Variants in AGMO observed in about 807,000 individuals in gnomAD.
The protein encoded by AGMO is glyceryl-ether monooxygenase.
A neutral mutation model predicts 60.2 loss-of-function variants in AGMO; 75 were observed. The observed-to-expected ratio is 1.25, with a 90% confidence interval of 1.03 to 1.51. AGMO has a LOEUF of 1.51. Ranked by LOEUF, AGMO falls within the 40% of genes most tolerant of loss-of-function variation. The pLI, the probability that AGMO is intolerant of heterozygous loss-of-function variation, is 0.00. For synonymous variants in AGMO, 261 were observed against 177.1 expected (o/e 1.47, Z -3.76); for missense variants, 763 against 525.5 (o/e 1.45, Z -4.42).
chr7:15,540,250 C>T (rs1312923161), intron 3 of AGMO, among the ~76,000 whole-genome samples: 1 of 152,274 alleles, frequency 6.6e-6, no homozygotes, highest in Non-Finnish European at 1.5e-5. Context: ...GTTGTGGCTA[C>T]CACTGGAACT....
intron 5 of AGMO, among the ~76,000 whole-genome samples, chr7:15,415,263 A>T (rs892179235): frequency 6.6e-6 from 1 of 151,820 alleles, no homozygotes; most frequent in African/African-American, 2.4e-5. Context: ...TGCCCGGCTA[A>T]TTTTTTTGAA....
At chr7:15,258,231 A>T (rs541009520) in intron 12 of AGMO, among the ~76,000 whole-genome samples, 2 of 152,292 alleles carry the variant, frequency 1.3e-5, no homozygotes, top group Non-Finnish European at 2.9e-5. Flanking sequence ...ATCTGAAATA[A>T]ATTTTGAAGT....
chr7:15,177,404 A>G, the AGMO span, among the ~76,000 whole-genome samples: 1 of 152,198 alleles, frequency 6.6e-6, no homozygotes, highest in Non-Finnish European at 1.5e-5. Context: ...TCTGCCCATC[A>G]ACACTTCTGT....
At chr7:15,293,860 T>C (rs758859654) in intron 12 of AGMO, among the ~76,000 whole-genome samples, 3 of 152,170 alleles carry the variant, frequency 2.0e-5, no homozygotes, top group African/African-American at 7.2e-5. Flanking sequence ...CTTGTGTATA[T>C]TTAAAATGTT....
intron 4 of AGMO, among the ~76,000 whole-genome samples, chr7:15,421,376 G>A (rs547344939): frequency 5.7e-4 from 87 of 152,212 alleles, no homozygotes; most frequent in Middle Eastern, 3.4e-3. Context: ...CCAGAGAAGG[G>A]AGCCATTTCA....
intron 3 of AGMO, among the ~76,000 whole-genome samples, chr7:15,498,863 T>A (rs553246586): frequency 6.6e-6 from 1 of 152,048 alleles, no homozygotes; most frequent in Admixed American, 6.6e-5. Context: ...GCTTCTAGAT[T>A]TCGAACTTTT....
At chr7:15,166,400 G>A in the AGMO span, among the ~76,000 whole-genome samples, 9 of 151,824 alleles carry the variant, frequency 5.9e-5, no homozygotes, top group Non-Finnish European at 1.2e-4. Flanking sequence ...TGCTGGTGTC[G>A]GGAGACCAGA....
At chr7:15,150,414 C>G in the AGMO span, among the ~76,000 whole-genome samples, 1 of 151,996 alleles carries the variant, frequency 6.6e-6, no homozygotes, top group Non-Finnish European at 1.5e-5. Flanking sequence ...AGCTTTTGCC[C>G]ATTTAGTATG....
the AGMO span, among the ~76,000 whole-genome samples, chr7:15,154,413 G>C: frequency 6.6e-6 from 1 of 152,134 alleles, no homozygotes; most frequent in African/African-American, 2.4e-5. Flanking sequence ...CACATCCCAT[G>C]CTCATGGATA....
At chr7:15,503,629 A>G (rs565563401) in intron 3 of AGMO, among the ~76,000 whole-genome samples, 1 of 152,196 alleles carries the variant, frequency 6.6e-6, no homozygotes, top group East Asian at 1.9e-4. Context: ...ACTGGCGTCC[A>G]TTTGTCTGTA....
At chr7:15,444,677 A>C (rs1410190768) in intron 3 of AGMO, among the ~76,000 whole-genome samples, 1 of 152,110 alleles carries the variant, frequency 6.6e-6, no homozygotes, top group Non-Finnish European at 1.5e-5. Context: ...TCTAACTTTA[A>C]AAGATCAACT....
At chr7:15,560,357 A>G in intron 1 of AGMO, 86 bp from the exon 2 acceptor site, 2 of 1,453,472 alleles carry the variant, frequency 1.4e-6, no homozygotes, top group Non-Finnish European at 1.9e-6. Flanking sequence ...TCAGAATTGA[A>G]AGGCCCAGAT....
intron 12 of AGMO, among the ~76,000 whole-genome samples, chr7:15,216,833 A>AGTGG (rs1554396208): frequency 2.7e-5 from 4 of 147,024 alleles, no homozygotes; most frequent in African/African-American, 1.0e-4. Flanking sequence ...TGAAAGAAAA[A>AGTGG]GTGTGTGTGT....
chr7:15,386,801 C>G (rs965132953), intron 9 of AGMO, among the ~76,000 whole-genome samples: 2 of 152,208 alleles, frequency 1.3e-5, no homozygotes, highest in African/African-American at 4.8e-5. Context: ...AAAGCACCTT[C>G]TCTTTCTTCC....
intron 8 of AGMO, among the ~76,000 whole-genome samples, chr7:15,387,998 C>G (rs530619161): frequency 1.3e-5 from 2 of 150,660 alleles, no homozygotes; most frequent in South Asian, 4.2e-4. Flanking sequence ...ACCTCTGCCT[C>G]CTGGGTTCAA....
intron 3 of AGMO, among the ~76,000 whole-genome samples, chr7:15,450,396 G>A (rs1412304735): frequency 6.6e-6 from 1 of 150,664 alleles, no homozygotes; most frequent in Non-Finnish European, 1.5e-5. Flanking sequence ...CTCCAGCCTG[G>A]GCAACAGAGC....
chr7:15,512,910 T>A (rs1783711449), intron 3 of AGMO, among the ~76,000 whole-genome samples: 1 of 152,222 alleles, frequency 6.6e-6, no homozygotes. Context: ...TCTCTTCTGC[T>A]TTATAATCTG....
Position 15,343,389 on chromosome 7 carries a change from AG to A in AGMO, c.1263+22124del, listed in dbSNP as rs370693056. Reference sequence around the variant, plus strand: ...TAACTCATTTTTTATCCCACTACCAAGATGCCTCTAAGTGATACGAAATATA... The same window carrying A: ...TAACTCATTTTTTATCCCACTACCAAATGCCTCTAAGTGATACGAAATATA... On this transcript the variant is annotated intron_variant, in intron 12 of 12. Transcript: ENST00000342526. Among the ~76,000 whole-genome samples, 87 of 152,278 alleles carry A rather than the reference AG, an allele frequency of 5.7e-4. No individual in the cohort carries two copies. The East Asian group carries it at 0.014, about 25-fold the overall frequency.
intron 10 of AGMO, among the ~76,000 whole-genome samples, chr7:15,378,504 A>C (rs189234543): frequency 1.3e-5 from 2 of 152,142 alleles, no homozygotes; most frequent in Admixed American, 1.3e-4. Context: ...TAACTATCCT[A>C]AATATGTATG....
Sources: gnomAD v4.1 joint callset for allele counts (sites outside exome capture counted in the v4.1 genomes callset) on GRCh38, gnomAD v4.1.1 for gene constraint, MANE v1.5 for transcripts, NCBI Gene and HGNC (gene_info 2026-07-23, HGNC 2026-07-21) for gene names.